The following STYXL1 variants were observed in gnomAD, a reference collection of about 807,000 sequenced individuals.
STYXL1 encodes the protein serine/threonine/tyrosine interacting like 1.
Under a neutral mutation model 36.4 loss-of-function variants are expected in STYXL1, and 32 were observed. The observed-to-expected ratio is 0.88, with a 90% confidence interval of 0.66 to 1.18. The LOEUF (loss-of-function observed/expected upper bound fraction) is 1.18. Among genes scored for constraint, STYXL1 ranks in the 50% most tolerant of loss-of-function variants. The pLI is 0.00. For synonymous variants in STYXL1, 133 were observed against 144.1 expected, an observed-to-expected ratio of 0.92 and a Z score of 0.55; for missense variants, 354 against 394.1, an observed-to-expected ratio of 0.90 and a Z score of 0.86.
At chr7:76,033,315 T>G (rs1554579884) in intron 1 of STYXL1, among the ~76,000 whole-genome samples, 1 of 152,090 alleles carries the variant, frequency 6.6e-6, no homozygotes, top group East Asian at 1.9e-4. Flanking sequence ...CGGCTAAGTT[T>G]TGAATTTTGT....
intron 1 of STYXL1, among the ~76,000 whole-genome samples, chr7:76,037,842 G>C (rs1796071892): frequency 6.7e-6 from 1 of 149,950 alleles, no homozygotes; most frequent in African/African-American, 2.4e-5. Flanking sequence ...GTAAGGGTCA[G>C]GGTCCACAGC....
At chr7:76,010,491 T>A (rs901451256) in intron 5 of STYXL1, among the ~76,000 whole-genome samples, 1 of 152,036 alleles carries the variant, frequency 6.6e-6, no homozygotes, top group Non-Finnish European at 1.5e-5. Context: ...TTGGAGGAGA[T>A]GCCTGGCAGG....
At chr7:76,047,296 A>G (rs1249158285) in intron 1 of STYXL1, among the ~76,000 whole-genome samples, 1 of 152,156 alleles carries the variant, frequency 6.6e-6, no homozygotes, top group Non-Finnish European at 1.5e-5. Flanking sequence ...TAATAAACTC[A>G]TTGTGAGCAA....
At chr7:76,014,093 C>G (rs1293178041) in intron 4 of STYXL1, among the ~76,000 whole-genome samples, 3 of 151,986 alleles carry the variant, frequency 2.0e-5, no homozygotes, top group South Asian at 2.1e-4. Flanking sequence ...ATTCTCCTGC[C>G]TCAGCCTCCC....
intron 1 of STYXL1, among the ~76,000 whole-genome samples, chr7:76,040,108 AG>A (rs1796341735): frequency 6.6e-6 from 1 of 152,084 alleles, no homozygotes; most frequent in Non-Finnish European, 1.5e-5. Context: ...TGGTCCTGTA[AG>A]GGTAACAGGT....
chr7:76,023,434 G>A (rs1487648426), intron 3 of STYXL1, among the ~76,000 whole-genome samples: 3 of 152,084 alleles, frequency 2.0e-5, no homozygotes, highest in East Asian at 3.9e-4. Flanking sequence ...TGCAGTCACC[G>A]CTCACTGCAG....
At chr7:76,037,654 G>A (rs916652059) in intron 1 of STYXL1, among the ~76,000 whole-genome samples, 2 of 149,904 alleles carry the variant, frequency 1.3e-5, no homozygotes, top group Middle Eastern at 7.2e-3. Context: ...GTAGGAGTTC[G>A]AGGATACTGC....
chr7:76,011,982 G>A (rs540838928), intron 5 of STYXL1, among the ~76,000 whole-genome samples: 35 of 152,242 alleles, frequency 2.3e-4, no homozygotes, highest in African/African-American at 8.4e-4. Flanking sequence ...GGACAAAGGG[G>A]TTTAATATCT....
intron 1 of STYXL1, among the ~76,000 whole-genome samples, chr7:76,034,977 A>ATACTGTGTTGAAAGAGT (rs1554580423): frequency 6.6e-6 from 1 of 150,702 alleles, no homozygotes; most frequent in Non-Finnish European, 1.5e-5. Context: ...CATCGTAAAT[A>ATACTGTGTTGAAAGAGT]CAGCATGGCC....
chr7:76,018,366 T>C (rs1345026147), intron 4 of STYXL1, among the ~76,000 whole-genome samples: 1 of 152,176 alleles, frequency 6.6e-6, no homozygotes, highest in African/African-American at 2.4e-5. Context: ...TTAGTGTTCA[T>C]CTACATTATA....
chr7:76,034,249 C>T (rs1369471124), intron 1 of STYXL1, among the ~76,000 whole-genome samples: 1 of 150,118 alleles, frequency 6.7e-6, no homozygotes, highest in Non-Finnish European at 1.5e-5. Context: ...ACTACAGGCA[C>T]ATGCCACCAT....
chr7:76,014,105 A>C (rs1022079936), intron 4 of STYXL1, among the ~76,000 whole-genome samples: 2 of 151,868 alleles, frequency 1.3e-5, no homozygotes, highest in Admixed American at 1.3e-4. Flanking sequence ...CAGCCTCCCA[A>C]GTAGCTGGGA....
intron 1 of STYXL1, among the ~76,000 whole-genome samples, chr7:76,042,390 CTTT>C (rs528469396): frequency 6.0e-3 from 251 of 41,642 alleles, no homozygotes; most frequent in Middle Eastern, 0.042. Flanking sequence ...CCCTTATGTG[CTTT>C]TTTTTTTTTT....
At chr7:76,015,845 C>T (rs1194498001) in intron 4 of STYXL1, among the ~76,000 whole-genome samples, 1 of 152,202 alleles carries the variant, frequency 6.6e-6, no homozygotes, top group African/African-American at 2.4e-5. Flanking sequence ...ATCTAATCAG[C>T]TGCCAGTACA....
intron 5 of STYXL1, among the ~76,000 whole-genome samples, chr7:76,005,951 TTCA>T (rs1451205892): frequency 2.0e-5 from 3 of 149,134 alleles, no homozygotes; most frequent in Admixed American, 6.7e-5. Context: ...GAGAGGAGGT[TTCA>T]TCATGTTGGC....
chr7:76,026,185 C>G (rs1302847054), intron 3 of STYXL1, among the ~76,000 whole-genome samples: 3 of 50,628 alleles, frequency 5.9e-5, no homozygotes, highest in Non-Finnish European at 1.1e-4. Context: ...GAGCAAGACT[C>G]TGTCTCCAAA....
At chr7:76,003,696 C>G in intron 7 of STYXL1, 62 bp downstream of exon 7, 1 of 1,468,862 alleles carries the variant, frequency 6.8e-7, no homozygotes, top group South Asian at 1.1e-5. Flanking sequence ...GAAGGAGGCT[C>G]CACTGCCCCT....
chr7:76,007,904 A>G (rs1792006461), intron 5 of STYXL1, among the ~76,000 whole-genome samples: 1 of 151,480 alleles, frequency 6.6e-6, no homozygotes, highest in Admixed American at 6.6e-5. Context: ...CTCAAAAAAA[A>G]AAAAAAAAAA....
At chr7:75,996,963 A>T (rs1790203054) in intron 8 of STYXL1, among the ~76,000 whole-genome samples, 1 of 152,246 alleles carries the variant, frequency 6.6e-6, no homozygotes, top group Non-Finnish European at 1.5e-5. Flanking sequence ...TAATGGAAAG[A>T]GGAAGAGAAC....
Sources: gnomAD v4.1 joint callset for allele counts (sites outside exome capture counted in the v4.1 genomes callset) on GRCh38, gnomAD v4.1.1 for gene constraint, MANE v1.5 for transcripts, NCBI Gene and HGNC (gene_info 2026-07-23, HGNC 2026-07-21) for gene names.